HK3: variants seen among roughly 807,000 people sequenced by gnomAD.
HK3 encodes hexokinase 3.
Under a neutral mutation model 91.0 loss-of-function variants are expected in HK3, and 93 were observed. That is an observed-to-expected ratio of 1.02 (90% CI 0.86 to 1.21). The LOEUF (loss-of-function observed/expected upper bound fraction) is 1.21, where lower values mean the gene tolerates loss of function less well. Among genes scored for constraint, HK3 ranks in the 50% most tolerant of loss-of-function variants. HK3 has a pLI of 0.00. For synonymous variants in HK3, 519 were observed against 516.9 expected (o/e 1.00, Z -0.06); for missense variants, 1,235 against 1,247.4 (o/e 0.99, Z 0.15).
chr5:176,884,171 A>AG lies in HK3; in HGVS notation c.1858-38dup, dbSNP rs756930352. 3 of 1,531,156 alleles carry AG rather than the reference A, an allele frequency of 2.0e-6. No individual in the cohort carries two copies. In the African/African-American group the frequency reaches 4.1e-5, roughly 21 times the overall value. 94.8% of individuals were successfully genotyped at this position (1,531,156 alleles called of 1,614,324 possible). A position where few individuals can be genotyped will look rare whatever the true frequency, so the allele number is the denominator to read the frequency against. ...CCGAGAGGAAGTGGCAGGAAGCTGG[A>AG]GGCCCCTTCAGGCTCACTCTGCCTC... On this transcript the variant is annotated intron_variant, in intron 13 of 18. Transcript: ENST00000292432. The surrounding 1 kb of genome is among the most constrained non-coding windows in gnomAD (Gnocchi z 4.1).
At position 176,887,405 on chromosome 5, in the gene HK3, C is replaced by A; in HGVS notation, c.1600+46G>T. 1 of 1,612,686 alleles carries A rather than the reference C, an allele frequency of 6.2e-7. No individual in the cohort carries two copies. Among genetic ancestry groups the A allele is most frequent in the Non-Finnish European group, 8.5e-7 (1 of 1,179,376 alleles). ...CTCCAGCCCCAGCACACACTGGGAC[C>A]CCCAGGAGCCCATGTTTCGGTCCCA... is the stretch of plus-strand genomic sequence containing the variant. On this transcript the variant is annotated intron_variant, in intron 11 of 18. Coordinates refer to ENST00000292432, the MANE Select transcript of HK3 (RefSeq NM_002115.3). The surrounding 1 kb of genome is among the most constrained non-coding windows in gnomAD (Gnocchi z 4.9).
In HK3 at chr5:176,882,121, C is replaced by T. The variant is rs2149372894; in HGVS notation, c.2060G>A (p.Gly687Asp). The change falls in exon 16 of 19, where the codon GGC becomes GAC. Residue 687 changes from glycine to aspartate, a missense_variant. Gly to Asp is a moderately conservative substitution (Grantham distance 94, BLOSUM62 -1). Transcript: ENST00000292432. The part of the protein sequence containing the change: ...RCEIGLIVGT[G>D]TNACYMEELR... ...CTCCTCCATGTAGCAGGCATTGGTGCCGGTTCCTGCAGAGAGGCCAGACAA... is the reference window on the plus strand; with the variant it reads ...CTCCTCCATGTAGCAGGCATTGGTGTCGGTTCCTGCAGAGAGGCCAGACAA... The T allele has an allele frequency of 6.2e-7, 1 of 1,612,854 alleles. No homozygotes were observed. The highest frequency in any genetic ancestry group is 1.1e-5 in the South Asian group (1 of 91,078).
rs780132854 is a variant in HK3 at position 176,883,852 on chromosome 5, C to T, written c.1971G>A (p.Val657=). ...ITRRQAVELN[V]VAIVNDTVGT... is the part of the protein sequence containing the mutation. ...CCACCGTGTCATTGACAATGGCAAC[C>T]ACATTCAGCTCCACTGCCTGCACAC... Residue 657 remains valine, a synonymous_variant, in exon 15 of 19, where the codon GTG becomes GTA. Coordinates refer to ENST00000292432, the MANE Select transcript of HK3 (RefSeq NM_002115.3). 3 of 1,614,086 alleles carry T rather than the reference C, an allele frequency of 1.9e-6. No homozygotes were observed. In the East Asian group the frequency reaches 6.7e-5, roughly 36 times the overall value.
At chr5:176,888,972 A>C in intron 8 of HK3, 108 bp from the exon 9 acceptor site, 1 of 1,296,324 alleles carries the variant, frequency 7.7e-7, no homozygotes, top group Non-Finnish European at 1.0e-6. Context: ...GGGCTCCCAA[A>C]CTGGAGACTC....
chr5:176,893,140 A>G (rs1016895920), intron 2 of HK3, among the ~76,000 whole-genome samples: 4 of 152,164 alleles, frequency 2.6e-5, no homozygotes, highest in Admixed American at 2.0e-4. Context: ...CAGCTGCCCA[A>G]GTGTTAGAAA....
At position 176,881,085 on chromosome 5, in the gene HK3, C is replaced by T; in HGVS notation, c.2760G>A (p.Leu920=). The change falls in exon 19 of 19, where the codon TTG becomes TTA. Residue 920 remains leucine, a synonymous_variant. Coordinates refer to ENST00000292432, the MANE Select transcript of HK3 (RefSeq NM_002115.3). ...VTAVACRLAQ[L]TRV Reference sequence around the variant, plus strand: ...CCTGGAGGTTTCCTCAGACACGAGTCAACTGCGCAAGGCGGCAGGCAACAG... The same window carrying T: ...CCTGGAGGTTTCCTCAGACACGAGTTAACTGCGCAAGGCGGCAGGCAACAG... 1 of 1,604,742 alleles carries T rather than the reference C, an allele frequency of 6.2e-7. No homozygotes were observed. Among genetic ancestry groups the T allele is most frequent in the Non-Finnish European group, 8.5e-7 (1 of 1,175,498 alleles).
chr5:176,889,787 C>T (rs1451616222), intron 6 of HK3, 43 bp from the exon 7 acceptor site: 2 of 1,565,434 alleles, frequency 1.3e-6, no homozygotes, highest in Non-Finnish European at 8.8e-7. Context: ...GCCTGAGTGG[C>T]CAGAGGAGGG....
Position 176,888,487 on chromosome 5 carries a change from A to G in HK3, c.1149T>C (p.Leu383=). ...ACACGGCCGCACAGACGTGCTGCAC[A>G]AGCTCAACATCCGAAGCCCCAGGGC... ...GLSPGASDVE[L]VQHVCAAVCT... Residue 383 remains leucine (L), a synonymous_variant, in exon 10 of 19, where the codon CTT becomes CTC. Coordinates refer to ENST00000292432, the MANE Select transcript of HK3 (RefSeq NM_002115.3). 6.4e-7 allele frequency: 1 copy of G among 1,553,926 alleles called. No homozygotes were observed. Among genetic ancestry groups the G allele is most frequent in the Non-Finnish European group, 8.7e-7 (1 of 1,148,096 alleles).
In HK3 at chr5:176,884,912, C is replaced by T. The variant is rs748522452; in HGVS notation, c.1858-778G>A. Among the ~76,000 whole-genome samples the T allele has an allele frequency of 2.3e-4, 35 of 152,172 alleles. No individual in the cohort carries two copies. Among genetic ancestry groups the T allele is most frequent in the African/African-American group, 6.3e-4 (26 of 41,436 alleles). ...AGAAGATTTTAGAAATAGTAAGCAA[C>T]GTTTTCCTCCAATAATATGTCCTTT... On this transcript the variant is annotated intron_variant, in intron 13 of 18. Coordinates refer to ENST00000292432, the MANE Select transcript of HK3 (RefSeq NM_002115.3). This position sits in a 1 kb window ranked among gnomAD's most constrained non-coding sequence, Gnocchi z 4.1.
At position 176,887,530 on chromosome 5, in the gene HK3, G is replaced by A; in HGVS notation, c.1521C>T (p.Ala507=). 2 of 1,613,854 alleles carry A rather than the reference G, an allele frequency of 1.2e-6. No individual in the cohort carries two copies. The highest frequency in any genetic ancestry group is 1.7e-4 in the Middle Eastern group (1 of 6,058). ...CCTCCCCTCGGAGCCCCTTGGCCAT[G>A]GCCTTCCGCATCTGTGCCTGAACCG... ...LAAVQAQMRK[A]MAKGLRGEAS... The change falls in exon 11 of 19, where the codon GCC becomes GCT. Residue 507 remains alanine, a synonymous_variant. Coordinates refer to ENST00000292432, the MANE Select transcript of HK3 (RefSeq NM_002115.3). The surrounding 1 kb of genome is among the most constrained non-coding windows in gnomAD (Gnocchi z 4.9).
At chr5:176,892,557 T>C (rs1758807029) in intron 2 of HK3, among the ~76,000 whole-genome samples, 1 of 152,072 alleles carries the variant, frequency 6.6e-6, no homozygotes, top group South Asian at 2.1e-4. Context: ...GATGACTCTC[T>C]CACCCATCCT....
At position 176,884,123 on chromosome 5, in the gene HK3, CAGG is replaced by C; in HGVS notation, c.1866_1868del (p.Leu623del). 1 of 1,614,012 alleles carries C rather than the reference CAGG, an allele frequency of 6.2e-7. No individual in the cohort carries two copies. Among genetic ancestry groups the C allele is most frequent in the East Asian group, 2.2e-5 (1 of 44,878 alleles). Reference sequence around the variant, plus strand: ...ATGCCTTGAAACCCTTGGTCCAGTTCAGGAGGATGCCCTGGGGTGAGACCGAGA... The same window carrying C: ...ATGCCTTGAAACCCTTGGTCCAGTTCAGGATGCCCTGGGGTGAGACCGAGA... On this transcript the variant is annotated inframe_deletion, in exon 14 of 19. Coordinates refer to ENST00000292432, the MANE Select transcript of HK3 (RefSeq NM_002115.3). This position sits in a 1 kb window ranked among gnomAD's most constrained non-coding sequence, Gnocchi z 4.1.
chr5:176,886,679 C>T (rs1268494207), intron 13 of HK3, among the ~76,000 whole-genome samples: 2 of 152,160 alleles, frequency 1.3e-5, no homozygotes, highest in East Asian at 1.9e-4. Context: ...CGACCTCAAG[C>T]CCCTGCTAGA....
rs775818128 is a variant in HK3, at chr5:176,891,257, C to T, written c.260-66G>A. On this transcript the variant is annotated intron_variant, in intron 3 of 18. Coordinates refer to ENST00000292432, the MANE Select transcript of HK3 (RefSeq NM_002115.3). ...AGACCAGAGCCCTCTGCCCACTTCC[C>T]AAATTCCTAAGGCCTGCAAAGTCTG... 3.7e-6 allele frequency: 6 copies of T among 1,612,836 alleles called. No individual in the cohort carries two copies. In the East Asian group the frequency reaches 1.1e-4, roughly 30 times the overall value.
Position 176,890,913 on chromosome 5 carries a change from G to A in HK3, c.443C>T (p.Ser148Phe). 3.1e-6 allele frequency: 5 copies of A among 1,614,012 alleles called. No homozygotes were observed. Among genetic ancestry groups the A allele is most frequent in the Non-Finnish European group, 4.2e-6 (5 of 1,180,024 alleles). Residue 148 changes from serine (S) to phenylalanine (F), a missense_variant, in exon 5 of 19, where the codon TCT becomes TTT. By Grantham distance (155) the Ser-to-Phe change is radical. Around this residue, in one of 3 missense-constraint regions of HK3, gnomAD observed 717 missense variants for 751.6 expected, o/e 0.95. Coordinates refer to ENST00000292432, the MANE Select transcript of HK3 (RefSeq NM_002115.3). ...CACAGGCTGCGCATCCAGGAACTCAGACAGGCAGTGGGCAGCAAAGTCAAA... is the reference window on the plus strand; with the variant it reads ...CACAGGCTGCGCATCCAGGAACTCAAACAGGCAGTGGGCAGCAAAGTCAAA... ...QLFDFAAHCL[S>F]EFLDAQPVNK...
chr5:176,882,540 CAG>C (rs2149373073), intron 15 of HK3, among the ~76,000 whole-genome samples: 1 of 152,302 alleles, frequency 6.6e-6, no homozygotes, highest in South Asian at 2.1e-4. Context: ...GCAGGGGACA[CAG>C]AGAAATCAGA....
intron 2 of HK3, among the ~76,000 whole-genome samples, chr5:176,894,448 A>G (rs1758857529): frequency 6.6e-6 from 1 of 152,176 alleles, no homozygotes; most frequent in East Asian, 1.9e-4. Context: ...GGGCCTGCAC[A>G]GGAGTGTCAT....
intron 1 of HK3, among the ~76,000 whole-genome samples, chr5:176,897,971 G>C (rs1758946655): frequency 6.6e-6 from 1 of 152,186 alleles, no homozygotes; most frequent in Admixed American, 6.5e-5. Flanking sequence ...AAGCTCTTCT[G>C]TTCTCCACCT....
intron 7 of HK3, 22 bp downstream of exon 7, chr5:176,889,623 T>C: frequency 1.9e-6 from 3 of 1,614,116 alleles, no homozygotes; most frequent in Non-Finnish European, 2.5e-6. Context: ...CCACCTGTCA[T>C]CACAAATGGT....
Sources: allele counts gnomAD v4.1 joint callset (sites outside exome capture counted in the v4.1 genomes callset), GRCh38; gene constraint gnomAD v4.1.1; regional missense constraint gnomAD v4.1.1; non-coding constraint Gnocchi (gnomAD v3.1); transcripts MANE v1.5; gene names NCBI Gene and HGNC (gene_info 2026-07-23, HGNC 2026-07-21).